Variants in EPB41L4A observed in about 807,000 individuals in gnomAD.
EPB41L4A encodes erythrocyte membrane protein band 4.1 like 4A, also known as band 4.1-like protein 4A.
In EPB41L4A, 100 loss-of-function variants were observed where a neutral mutation model predicts 108.6. That is an observed-to-expected ratio of 0.92 (90% CI 0.78 to 1.09). The LOEUF is 1.09. Ranked by LOEUF, EPB41L4A falls within the 50% of genes least tolerant of loss-of-function variation. The pLI is 0.00. For missense variants in EPB41L4A, 1,030 were observed against 842.7 expected, an observed-to-expected ratio of 1.22 and a Z score of -2.75; for synonymous variants, 319 against 289.0, an observed-to-expected ratio of 1.10 and a Z score of -1.05.
Position 112,164,901 on chromosome 5 carries a change from G to T in EPB41L4A, c.*89C>A. ...GCTGAAGAAATACTTGCAGGTCTGAGATTTGAATTAAGATACCTATTTCAC... is the reference window on the plus strand; with the variant it reads ...GCTGAAGAAATACTTGCAGGTCTGATATTTGAATTAAGATACCTATTTCAC... On this transcript the variant is annotated 3_prime_UTR_variant, in exon 23 of 23. Transcript: ENST00000261486. 2 of 1,269,558 alleles carry T rather than the reference G, an allele frequency of 1.6e-6. No individual in the cohort carries two copies. Among genetic ancestry groups the T allele is most frequent in the Non-Finnish European group, 2.1e-6 (2 of 944,878 alleles). 78.6% of individuals were successfully genotyped at this position (1,269,558 alleles called of 1,614,324 possible).
intron 1 of EPB41L4A, among the ~76,000 whole-genome samples, chr5:112,386,920 C>T (rs1760576760): frequency 1.3e-5 from 2 of 152,192 alleles, no homozygotes; most frequent in African/African-American, 4.8e-5. Flanking sequence ...CTATCCATCC[C>T]CACTCCCACC....
intron 12 of EPB41L4A, among the ~76,000 whole-genome samples, chr5:112,212,967 G>C (rs906149195): frequency 6.6e-6 from 1 of 152,086 alleles, no homozygotes; most frequent in Admixed American, 6.6e-5. Flanking sequence ...AAAATTAACA[G>C]AGAAAAACAG....
At chr5:112,355,238 A>G in intron 1 of EPB41L4A, among the ~76,000 whole-genome samples, 1 of 152,254 alleles carries the variant, frequency 6.6e-6, no homozygotes, top group East Asian at 1.9e-4. Context: ...AGAAACCGAA[A>G]GCTATTTCAA....
Position 112,349,617 on chromosome 5 carries a change from G to C in EPB41L4A, c.100-42127C>G, listed in dbSNP as rs1757910977. Among the ~76,000 whole-genome samples the C allele has an allele frequency of 2.0e-5, 3 of 152,162 alleles. No homozygotes were observed. In the South Asian group the frequency reaches 6.2e-4, roughly 32 times the overall value. On this transcript the variant is annotated intron_variant, in intron 1 of 22. Coordinates refer to ENST00000261486, the MANE Select transcript of EPB41L4A (RefSeq NM_022140.5). ...TGACACTGTTAGATGATTTTCTTTA[G>C]CAGTAATGAGATCAAAGAAGCAGAG...
At chr5:112,265,733 C>T (rs1454832704) in intron 5 of EPB41L4A, among the ~76,000 whole-genome samples, 1 of 152,164 alleles carries the variant, frequency 6.6e-6, no homozygotes, top group Non-Finnish European at 1.5e-5. Context: ...CAGCCTCAGT[C>T]TCCAAAATGA....
At chr5:112,336,004 C>T (rs1463412767) in intron 1 of EPB41L4A, among the ~76,000 whole-genome samples, 1 of 151,982 alleles carries the variant, frequency 6.6e-6, no homozygotes, top group Non-Finnish European at 1.5e-5. Flanking sequence ...CCCTCACACG[C>T]CCTCAAAGTT....
At chr5:112,218,571 A>C (rs1367989797) in intron 12 of EPB41L4A, among the ~76,000 whole-genome samples, 1 of 152,224 alleles carries the variant, frequency 6.6e-6, no homozygotes, top group African/African-American at 2.4e-5. Context: ...GGATAGTTCC[A>C]TACCTAACCT....
At chr5:112,242,694 C>G (rs1414442498) in intron 9 of EPB41L4A, among the ~76,000 whole-genome samples, 6 of 152,140 alleles carry the variant, frequency 3.9e-5, no homozygotes, top group Non-Finnish European at 7.3e-5. Context: ...TCTATCGCAT[C>G]TATAGTTTGT....
intron 12 of EPB41L4A, chr5:112,228,352 G>A (rs113908416): frequency 4.6e-5 from 7 of 152,174 alleles, no homozygotes; most frequent in African/African-American, 1.4e-4. Context: ...TGGTCCAAGC[G>A]GTAAGTAGCT....
intron 1 of EPB41L4A, among the ~76,000 whole-genome samples, chr5:112,326,379 T>C (rs572965730): frequency 9.2e-5 from 14 of 152,240 alleles, no homozygotes; most frequent in Non-Finnish European, 1.6e-4. Context: ...CAGAGCCTTT[T>C]TGTCAAACTG....
downstream of EPB41L4A, chr5:112,158,354 C>A: frequency 3.2e-6 from 1 of 308,018 alleles, no homozygotes; most frequent in Non-Finnish European, 6.5e-6. Flanking sequence ...ACAAACCTTT[C>A]ATAATTCTTT....
intron 12 of EPB41L4A, among the ~76,000 whole-genome samples, chr5:112,146,740 T>G (rs1759274671): frequency 6.6e-6 from 1 of 152,338 alleles, no homozygotes; most frequent in South Asian, 2.1e-4. Context: ...TAACCCTCGT[T>G]GCTACTGGCA....
chr5:112,164,346 C>T lies in EPB41L4A; in HGVS notation c.*644G>A, dbSNP rs948349841. 6.6e-6 allele frequency: 1 copy of T among 152,250 alleles called. No individual in the cohort carries two copies. 9.4% of individuals were successfully genotyped at this position (152,250 alleles called of 1,614,324 possible). ...GCCCAGCCCTGGGAAGACGTCCTCC[C>T]ACTTGTACTATTGCACAGCAGGCTA... On this transcript the variant is annotated 3_prime_UTR_variant, in exon 23 of 23. Coordinates refer to ENST00000261486, the MANE Select transcript of EPB41L4A (RefSeq NM_022140.5).
At chr5:112,337,733 C>A (rs1218083782) in intron 1 of EPB41L4A, among the ~76,000 whole-genome samples, 1 of 152,060 alleles carries the variant, frequency 6.6e-6, no homozygotes, top group African/African-American at 2.4e-5. Flanking sequence ...AAACAAAAGC[C>A]CTATCTGACC....
rs1287420634 is a variant in EPB41L4A, at chr5:112,181,169, TG to T, written c.1622+2846del. ...GTAATTCCTTATAAAATTAAACATG[TG>T]GCCGGGCGTGGTGGCTCATGCCTGT... On this transcript the variant is annotated intron_variant, in intron 18 of 22. Transcript: ENST00000261486. Among the ~76,000 whole-genome samples, 10 of 152,240 alleles carry T rather than the reference TG, an allele frequency of 6.6e-5. No homozygotes were observed. The East Asian group carries it at 1.9e-3, about 29-fold the overall frequency.
intron 1 of EPB41L4A, among the ~76,000 whole-genome samples, chr5:112,315,463 C>G (rs548725539): frequency 6.6e-6 from 1 of 152,172 alleles, no homozygotes; most frequent in Non-Finnish European, 1.5e-5. Context: ...ATAAATTGAA[C>G]CTTTCTTCCT....
intron 2 of EPB41L4A, among the ~76,000 whole-genome samples, chr5:112,298,151 T>C (rs1239771772): frequency 6.6e-6 from 1 of 152,178 alleles, no homozygotes; most frequent in Non-Finnish European, 1.5e-5. Flanking sequence ...TTGTTTTTTC[T>C]AGTTCTGTGA....
intron 22 of EPB41L4A, among the ~76,000 whole-genome samples, chr5:112,165,609 T>TAGTTTG (rs1328367432): frequency 6.6e-6 from 1 of 152,166 alleles, no homozygotes; most frequent in Non-Finnish European, 1.5e-5. Flanking sequence ...TTTGTAAAAC[T>TAGTTTG]TAGGTTTTAC....
intron 1 of EPB41L4A, among the ~76,000 whole-genome samples, chr5:112,341,698 G>C (rs1037683936): frequency 6.6e-6 from 1 of 151,976 alleles, no homozygotes; most frequent in African/African-American, 2.4e-5. Context: ...GATCACTTGA[G>C]TCTAGAAGTT....
Sources: allele counts gnomAD v4.1 joint callset (sites outside exome capture counted in the v4.1 genomes callset), GRCh38; gene constraint gnomAD v4.1.1; transcripts MANE v1.5; gene names NCBI Gene and HGNC (gene_info 2026-07-23, HGNC 2026-07-21).